AKAP6: variants seen among roughly 807,000 people sequenced by gnomAD.
AKAP6 encodes A-kinase anchoring protein 6, also known as A-kinase anchor protein 6.
In AKAP6, 58 loss-of-function variants were observed where a neutral mutation model predicts 188.5. The ratio of observed to expected loss-of-function variants is 0.31; its 90% CI spans 0.25 to 0.38. The LOEUF is 0.38. AKAP6 is among the 10% of genes least tolerant of loss of function. The pLI, the probability that AKAP6 is intolerant of heterozygous loss-of-function variation, is 1.00. For synonymous variants in AKAP6, 989 were observed against 998.6 expected (o/e 0.99, Z 0.18); for missense variants, 2,710 against 2,740.0 (o/e 0.99, Z 0.24).
intron 12 of AKAP6, among the ~76,000 whole-genome samples, chr14:32,776,324 A>G (rs529730435): frequency 7.9e-5 from 12 of 152,270 alleles, no homozygotes; most frequent in African/African-American, 1.7e-4. Context: ...ATGGTAGTGA[A>G]TAAGTCTCAC....
At chr14:32,614,089 G>A (rs80084517) in intron 7 of AKAP6, among the ~76,000 whole-genome samples, 4,190 of 152,156 alleles carry the variant, frequency 0.028, 200 homozygotes, top group African/African-American at 0.095. Context: ...ATTATTAACT[G>A]TATAATACAG....
chr14:32,773,527 A>C, intron 11 of AKAP6, 151 bp from the exon 12 acceptor site: 1 of 730,664 alleles, frequency 1.4e-6, no homozygotes, highest in South Asian at 1.8e-5. Context: ...GGAGGCCTCC[A>C]TTCTAAAAGG....
intron 2 of AKAP6, among the ~76,000 whole-genome samples, chr14:32,468,550 A>G (rs1878588362): frequency 7.4e-6 from 1 of 135,328 alleles, no homozygotes; most frequent in African/African-American, 2.5e-5. Context: ...AGGATGTTGC[A>G]GGATGTTACC....
intron 2 of AKAP6, among the ~76,000 whole-genome samples, chr14:32,510,356 A>ATATATATATATGTG (rs1566546235): frequency 3.5e-5 from 2 of 56,942 alleles, no homozygotes; most frequent in African/African-American, 9.6e-5. Flanking sequence ...ATATGGATAC[A>ATATATATATATGTG]TATATATATG....
intron 1 of AKAP6, among the ~76,000 whole-genome samples, chr14:32,389,478 G>A (rs1175711943): frequency 6.6e-6 from 1 of 151,796 alleles, no homozygotes; most frequent in East Asian, 1.9e-4. Flanking sequence ...CTTTTTTGCT[G>A]TGTTTCCAGG....
At chr14:32,390,963 T>A (rs563657411) in intron 1 of AKAP6, among the ~76,000 whole-genome samples, 1 of 152,242 alleles carries the variant, frequency 6.6e-6, no homozygotes, top group Admixed American at 6.5e-5. Flanking sequence ...TTTTAAACGT[T>A]GCATTTGCTA....
chr14:32,343,100 A>T (rs913837711), intron 1 of AKAP6, among the ~76,000 whole-genome samples: 1 of 152,158 alleles, frequency 6.6e-6, no homozygotes. Context: ...GGATGTTGGT[A>T]AGCTTGGGCT....
chr14:32,614,605 A>G (rs1046585488), intron 7 of AKAP6, among the ~76,000 whole-genome samples: 1 of 152,200 alleles, frequency 6.6e-6, no homozygotes, highest in Non-Finnish European at 1.5e-5. Context: ...AATGTTTATT[A>G]AGCTTTATTT....
intron 11 of AKAP6, among the ~76,000 whole-genome samples, chr14:32,736,781 T>C (rs1464931937): frequency 7.4e-6 from 1 of 134,556 alleles, no homozygotes; most frequent in African/African-American, 2.5e-5. Flanking sequence ...AATCATCCAG[T>C]AATCCGTCAG....
At position 32,568,968 on chromosome 14, in the gene AKAP6, G is replaced by T. The variant is rs1884334717; in HGVS notation, c.2347-8152G>T. ...ATAATTTCTTTTTATAAACCCATAG[G>T]GAGCAACTGAATTCAAAATCTCTAG... On this transcript the variant is annotated intron_variant, in intron 4 of 13. Coordinates refer to ENST00000280979, the MANE Select transcript of AKAP6 (RefSeq NM_004274.5). This position sits in a 1 kb window ranked among gnomAD's most constrained non-coding sequence, Gnocchi z 6.2. Among the ~76,000 whole-genome samples the T allele has an allele frequency of 6.6e-6, 1 of 152,026 alleles. No homozygotes were observed. Among genetic ancestry groups the T allele is most frequent in the Admixed American group, 6.5e-5 (1 of 15,272 alleles).
rs555896675 is a variant in AKAP6 at position 32,416,344 on chromosome 14, T to C, written c.-34-17116T>C. ...TGTGCTTATTGGGCATTTGTACATC[T>C]TCTTTGAAGAAATGTTTATTTGCCC... On this transcript the variant is annotated intron_variant, in intron 1 of 13. Coordinates refer to ENST00000280979, the MANE Select transcript of AKAP6 (RefSeq NM_004274.5). Among the ~76,000 whole-genome samples the C allele has an allele frequency of 5.3e-5, 8 of 152,352 alleles. No homozygotes were observed. The East Asian group carries it at 1.4e-3, about 26-fold the overall frequency.
chr14:32,570,456 T>C (rs1318782360), intron 4 of AKAP6, among the ~76,000 whole-genome samples: 1 of 152,056 alleles, frequency 6.6e-6, no homozygotes, highest in Non-Finnish European at 1.5e-5. Flanking sequence ...TGGGGACTTT[T>C]AAAATCCATC....
intron 1 of AKAP6, among the ~76,000 whole-genome samples, chr14:32,419,931 A>G (rs989618143): frequency 3.3e-5 from 5 of 152,116 alleles, no homozygotes; most frequent in African/African-American, 1.2e-4. Context: ...AAAAATAATG[A>G]TTTTCATAGT....
intron 1 of AKAP6, among the ~76,000 whole-genome samples, chr14:32,337,020 ACTTC>A (rs1566449857): frequency 6.6e-6 from 1 of 152,212 alleles, no homozygotes; most frequent in East Asian, 1.9e-4. Flanking sequence ...TAATTCAAAT[ACTTC>A]CTTGTATTTA....
chr14:32,631,205 A>G (rs1021561003), intron 7 of AKAP6, among the ~76,000 whole-genome samples: 1 of 151,962 alleles, frequency 6.6e-6, no homozygotes, highest in African/African-American at 2.4e-5. Context: ...GTTGTTTACC[A>G]TGTTATTTTT....
At chr14:32,631,568 G>A (rs147303532) in intron 7 of AKAP6, among the ~76,000 whole-genome samples, 15 of 152,064 alleles carry the variant, frequency 9.9e-5, no homozygotes, top group South Asian at 4.1e-4. Flanking sequence ...AGTAATTACC[G>A]CATACAGAGA....
intron 2 of AKAP6, among the ~76,000 whole-genome samples, chr14:32,499,817 T>C (rs1178334779): frequency 6.6e-6 from 1 of 151,908 alleles, no homozygotes; most frequent in Admixed American, 6.6e-5. Flanking sequence ...AGACACAGTA[T>C]TAGTTTGTTA....
chr14:32,666,656 A>G (rs1467177462), intron 7 of AKAP6, among the ~76,000 whole-genome samples: 1 of 152,090 alleles, frequency 6.6e-6, no homozygotes, highest in African/African-American at 2.4e-5. Flanking sequence ...TATTTAATTT[A>G]TAAGGAACCA....
chr14:32,356,021 T>C (rs902479778), intron 1 of AKAP6, among the ~76,000 whole-genome samples: 2 of 152,156 alleles, frequency 1.3e-5, no homozygotes, highest in Admixed American at 6.6e-5. Flanking sequence ...CAAGTGATCC[T>C]CTTGCCTCAG....
Sources: gnomAD v4.1 joint callset for allele counts (sites outside exome capture counted in the v4.1 genomes callset) on GRCh38, gnomAD v4.1.1 for gene constraint, Gnocchi (gnomAD v3.1) non-coding constraint, MANE v1.5 for transcripts, NCBI Gene and HGNC (gene_info 2026-07-23, HGNC 2026-07-21) for gene names.